PAX5: variants seen among roughly 807,000 people sequenced by gnomAD.
The protein encoded by PAX5 is paired box 5.
A neutral mutation model predicts 43.7 loss-of-function variants in PAX5; 9 were observed. The ratio of observed to expected loss-of-function variants is 0.21; its 90% confidence interval spans 0.12 to 0.36. The LOEUF (loss-of-function observed/expected upper bound fraction) is 0.36. Among genes scored for constraint, PAX5 ranks in the 10% least tolerant of loss-of-function variants. The pLI, the probability that PAX5 is intolerant of heterozygous loss-of-function variation, is 1.00. For missense variants in PAX5, 383 were observed against 532.7 expected (o/e 0.72, Z 2.77); for synonymous variants, 228 against 214.3 (o/e 1.06, Z -0.56).
intron 5 of PAX5, among the ~76,000 whole-genome samples, chr9:36,984,529 C>T (rs1250271428): frequency 1.3e-5 from 2 of 148,668 alleles, no homozygotes; most frequent in Non-Finnish European, 3.0e-5. Flanking sequence ...CAACCTCCAC[C>T]TCCCAGGTTC....
At chr9:36,999,062 G>A (rs184699328) in intron 5 of PAX5, among the ~76,000 whole-genome samples, 1 of 152,306 alleles carries the variant, frequency 6.6e-6, no homozygotes, top group East Asian at 1.9e-4. Flanking sequence ...ACTCAGCAGA[G>A]TGAATGTTTC....
At chr9:36,863,844 C>T (rs746853436) in intron 8 of PAX5, among the ~76,000 whole-genome samples, 2 of 152,214 alleles carry the variant, frequency 1.3e-5, no homozygotes, top group Non-Finnish European at 2.9e-5. Flanking sequence ...GGCGCAGTGG[C>T]TCACGCCTCC....
chr9:37,025,755 G>A (rs1269901646), intron 1 of PAX5, among the ~76,000 whole-genome samples: 6 of 152,340 alleles, frequency 3.9e-5, no homozygotes. Context: ...GACCCTTCCC[G>A]TCTCCTACAC....
At chr9:36,918,996 T>C (rs1829931702) in intron 7 of PAX5, among the ~76,000 whole-genome samples, 1 of 152,220 alleles carries the variant, frequency 6.6e-6, no homozygotes, top group African/African-American at 2.4e-5. Context: ...CTTTCATAGA[T>C]AGAGAGGAGA....
intron 6 of PAX5, among the ~76,000 whole-genome samples, chr9:36,933,088 G>A (rs185784746): frequency 7.4e-5 from 11 of 149,014 alleles, no homozygotes; most frequent in African/African-American, 2.5e-5. Context: ...ACTTTGCAGT[G>A]AGCCAAGATC....
chr9:36,889,732 C>T (rs952336506), intron 7 of PAX5, among the ~76,000 whole-genome samples: 3 of 152,152 alleles, frequency 2.0e-5, no homozygotes, highest in African/African-American at 2.4e-5. Flanking sequence ...ACTCAGAAAA[C>T]GTTTGCCAAG....
At chr9:36,961,763 C>T (rs909872262) in intron 6 of PAX5, among the ~76,000 whole-genome samples, 4 of 152,110 alleles carry the variant, frequency 2.6e-5, no homozygotes, top group East Asian at 1.9e-4. Context: ...ACAACGTCAA[C>T]GGGAGTTTTA....
Position 37,002,681 on chromosome 9 carries a change from T to C in PAX5, c.571A>G (p.Ser191Gly), listed in dbSNP as rs1281206816. Residue 191 changes from serine to glycine, a missense_variant, in exon 5 of 10, where the codon AGC (serine) becomes GGC (glycine). By Grantham distance (56) the Ser-to-Gly change is moderately conservative. This residue lies in a region of PAX5 where 291 missense variants were observed against 342.5 expected (regional missense o/e 0.85). Coordinates refer to ENST00000358127, the MANE Select transcript of PAX5 (RefSeq NM_016734.3). ...CTCTTGCGCTTGTTGGTGTCGGCGC[T>C]GGGGGACGTGATGCCCAGGATGCCG... ...ISGILGITSP[S>G]ADTNKRKRDE... 6.2e-7 allele frequency: 1 copy of C among 1,611,404 alleles called. No homozygotes were observed. Among genetic ancestry groups the C allele is most frequent in the Non-Finnish European group, 8.5e-7 (1 of 1,179,214 alleles).
chr9:36,951,080 G>A (rs1416266477), intron 6 of PAX5, among the ~76,000 whole-genome samples: 2 of 152,130 alleles, frequency 1.3e-5, no homozygotes, highest in Non-Finnish European at 2.9e-5. Context: ...TCCTCTACAA[G>A]TTCCTTATAA....
intron 8 of PAX5, among the ~76,000 whole-genome samples, chr9:36,873,641 T>C (rs138026653): frequency 1.4e-3 from 209 of 152,248 alleles, no homozygotes; most frequent in African/African-American, 4.5e-3. Flanking sequence ...GGCTGTTCTT[T>C]CCCTGAGCAA....
intron 1 of PAX5, among the ~76,000 whole-genome samples, chr9:37,032,286 G>A (rs1276432383): frequency 6.6e-6 from 1 of 152,218 alleles, no homozygotes; most frequent in South Asian, 2.1e-4. Flanking sequence ...CTTCTACACA[G>A]CTTGTCGGGA....
At chr9:36,862,208 A>G (rs1563903813) in intron 8 of PAX5, among the ~76,000 whole-genome samples, 1 of 152,200 alleles carries the variant, frequency 6.6e-6, no homozygotes, top group South Asian at 2.1e-4. Flanking sequence ...GGTTGTGGTG[A>G]GGATTCTAAG....
intron 5 of PAX5, among the ~76,000 whole-genome samples, chr9:36,973,873 GCA>G (rs1244113912): frequency 6.6e-6 from 1 of 152,192 alleles, no homozygotes; most frequent in Non-Finnish European, 1.5e-5. Context: ...AGGTGTGGTG[GCA>G]CATGCCTGCA....
chr9:36,926,795 T>G (rs550175827), intron 6 of PAX5, among the ~76,000 whole-genome samples: 1 of 152,280 alleles, frequency 6.6e-6, no homozygotes, highest in South Asian at 2.1e-4. Flanking sequence ...CCCTGTTGTG[T>G]GCAACATGAT....
intron 6 of PAX5, among the ~76,000 whole-genome samples, chr9:36,934,135 G>A (rs1161194358): frequency 6.6e-6 from 1 of 152,228 alleles, no homozygotes; most frequent in Non-Finnish European, 1.5e-5. Flanking sequence ...GGGCCAGGAG[G>A]ACAGACTTCA....
At chr9:36,980,397 G>A (rs371447139) in intron 5 of PAX5, among the ~76,000 whole-genome samples, 38 of 152,302 alleles carry the variant, frequency 2.5e-4, no homozygotes, top group African/African-American at 8.2e-4. Context: ...AGCCATTGCC[G>A]AAGCCAGAGA....
At chr9:36,916,511 G>T (rs1391865975) in intron 7 of PAX5, among the ~76,000 whole-genome samples, 1 of 152,076 alleles carries the variant, frequency 6.6e-6, no homozygotes, top group Non-Finnish European at 1.5e-5. Context: ...GAATTAATAG[G>T]TTACTTCGGA....
chr9:37,016,814 A>G (rs1839428650), intron 2 of PAX5, among the ~76,000 whole-genome samples: 1 of 152,248 alleles, frequency 6.6e-6, no homozygotes, highest in African/African-American at 2.4e-5. Context: ...TCACATTTAC[A>G]GAGATGCTGA....
intron 5 of PAX5, among the ~76,000 whole-genome samples, chr9:36,999,756 C>T (rs12002007): frequency 0.22 from 33,534 of 152,148 alleles, 3,860 homozygotes; most frequent in Admixed American, 0.31. Context: ...ATGGGCCAGC[C>T]GGCCAGTGTG....
Sources: gnomAD v4.1 joint callset for allele counts (sites outside exome capture counted in the v4.1 genomes callset) on GRCh38, gnomAD v4.1.1 for gene constraint, gnomAD v4.1.1 regional missense constraint, MANE v1.5 for transcripts, NCBI Gene and HGNC (gene_info 2026-07-23, HGNC 2026-07-21) for gene names.